Variants in MATN2 observed in about 807,000 individuals in gnomAD.
The protein encoded by MATN2 is matrilin-2.
A neutral mutation model predicts 103.2 loss-of-function variants in MATN2; 69 were observed. That is an observed-to-expected ratio of 0.67 (90% CI 0.55 to 0.82). The LOEUF (loss-of-function observed/expected upper bound fraction) is 0.82, where lower values mean the gene tolerates loss of function less well. MATN2 is among the 40% of genes least tolerant of loss of function. The pLI is 0.00. For missense variants in MATN2, 1,023 were observed against 1,211.5 expected (o/e 0.84, Z 2.31); for synonymous variants, 429 against 450.2 (o/e 0.95, Z 0.60).
intron 11 of MATN2, among the ~76,000 whole-genome samples, chr8:98,017,774 G>A (rs1813415891): frequency 6.6e-6 from 1 of 152,190 alleles, no homozygotes; most frequent in African/African-American, 2.4e-5. Flanking sequence ...AAGTAGTGCT[G>A]GTGAACGATG....
intron 5 of MATN2, among the ~76,000 whole-genome samples, chr8:97,967,513 TC>T (rs1274882534): frequency 6.6e-6 from 1 of 152,198 alleles, no homozygotes; most frequent in Non-Finnish European, 1.5e-5. Context: ...TATTCTCATT[TC>T]AAAAGGGAGA....
At chr8:97,880,679 T>A (rs1818225334) in intron 1 of MATN2, among the ~76,000 whole-genome samples, 1 of 152,208 alleles carries the variant, frequency 6.6e-6, no homozygotes, top group African/African-American at 2.4e-5. Flanking sequence ...GTCCTTTGGA[T>A]GTTAATCCGA....
chr8:97,981,401 C>T (rs1812015721), intron 6 of MATN2, among the ~76,000 whole-genome samples: 1 of 150,376 alleles, frequency 6.6e-6, no homozygotes, highest in Admixed American at 6.6e-5. Flanking sequence ...GCCACCACAC[C>T]TGGCCTCCAA....
intron 13 of MATN2, among the ~76,000 whole-genome samples, chr8:98,023,732 A>C (rs543501865): frequency 6.6e-6 from 1 of 152,358 alleles, no homozygotes; most frequent in Non-Finnish European, 1.5e-5. Context: ...ACACACACTA[A>C]GTGCTCAAAA....
intron 1 of MATN2, among the ~76,000 whole-genome samples, chr8:97,883,090 C>T (rs1008657510): frequency 5.3e-5 from 8 of 151,878 alleles, no homozygotes; most frequent in African/African-American, 1.2e-4. Flanking sequence ...GATTGCCCGA[C>T]GTCAGGAGTT....
chr8:98,007,659 G>C lies in MATN2; in HGVS notation c.1573+58G>C. On this transcript the variant is annotated intron_variant, in intron 10 of 18. Transcript: ENST00000254898. This position sits in a 1 kb window ranked among gnomAD's most constrained non-coding sequence, Gnocchi z 4.2. ...AGGTGTTCCGTGGGTGCCGGTGTGG[G>C]TGCGCTGCCGACGTGTATATGTGCC... 4 of 1,567,540 alleles carry C rather than the reference G, an allele frequency of 2.6e-6. No homozygotes were observed. The highest frequency in any genetic ancestry group is 3.5e-6 in the Non-Finnish European group (4 of 1,150,086).
chr8:97,916,487 G>A (rs1257137945), intron 2 of MATN2, among the ~76,000 whole-genome samples: 3 of 152,138 alleles, frequency 2.0e-5, no homozygotes, highest in African/African-American at 7.2e-5. Flanking sequence ...TCATCATCCA[G>A]GTATTAAATC....
intron 7 of MATN2, among the ~76,000 whole-genome samples, chr8:97,998,976 A>G (rs758343830): frequency 2.0e-4 from 30 of 152,168 alleles, no homozygotes; most frequent in Non-Finnish European, 4.0e-4. Flanking sequence ...CTGAGACTCT[A>G]TACCCATTAA....
intron 4 of MATN2, among the ~76,000 whole-genome samples, chr8:97,950,011 G>C (rs1239802880): frequency 6.6e-6 from 1 of 152,174 alleles, no homozygotes. Context: ...CAAGGAGTGG[G>C]GAGCAGCAGG....
At chr8:97,900,375 A>G (rs1021025439) in intron 2 of MATN2, among the ~76,000 whole-genome samples, 2 of 152,230 alleles carry the variant, frequency 1.3e-5, no homozygotes, top group African/African-American at 4.8e-5. Flanking sequence ...ACCTAAGTTC[A>G]GAGCCCGGAG....
chr8:97,995,108 G>T (rs1011086080), intron 7 of MATN2, among the ~76,000 whole-genome samples: 2 of 152,234 alleles, frequency 1.3e-5, no homozygotes, highest in Non-Finnish European at 2.9e-5. Context: ...TATTGTGGAT[G>T]TACTGAGTGC....
At position 97,994,600 on chromosome 8, in the gene MATN2, G is replaced by A; in HGVS notation, c.1202G>A (p.Arg401Lys). Reference protein sequence around the residue: ...FTLNPDKKTCRRINYCALNKP... With the variant: ...FTLNPDKKTCKRINYCALNKP... Reference sequence around the variant, plus strand: ...CTGAATCCAGATAAGAAAACCTGCAGAAGTAAGTTACAGTGGGAGTTGGAG... The same window carrying A: ...CTGAATCCAGATAAGAAAACCTGCAAAAGTAAGTTACAGTGGGAGTTGGAG... Residue 401 changes from arginine to lysine, a missense_variant and splice_region_variant, in exon 7 of 19, where the codon AGA (arginine) becomes AAA (lysine). Coordinates refer to ENST00000254898, the MANE Select transcript of MATN2 (RefSeq NM_002380.5). The A allele has an allele frequency of 1.2e-6, 2 of 1,610,854 alleles. No homozygotes were observed. The highest frequency in any genetic ancestry group is 1.7e-6 in the Non-Finnish European group (2 of 1,179,160).
chr8:97,988,189 T>TATATATATATATATATATATACAC (rs71570279), intron 6 of MATN2, among the ~76,000 whole-genome samples: 1 of 54,962 alleles, frequency 1.8e-5, no homozygotes, highest in African/African-American at 7.8e-5. Context: ...TATATATATA[T>TATATATATATATATATATATACAC]ACACACACAC....
At chr8:97,975,839 G>A (rs1811818829) in intron 5 of MATN2, among the ~76,000 whole-genome samples, 1 of 152,178 alleles carries the variant, frequency 6.6e-6, no homozygotes, top group Non-Finnish European at 1.5e-5. Context: ...GTGTGCCAGG[G>A]TTTAGCCTTC....
intron 1 of MATN2, among the ~76,000 whole-genome samples, 197 bp downstream of exon 1, chr8:97,869,484 C>G (rs900519222): frequency 6.6e-6 from 1 of 152,126 alleles, no homozygotes; most frequent in South Asian, 2.1e-4. Flanking sequence ...GGGAGGGCGG[C>G]GCTGCCCGAC....
intron 10 of MATN2, among the ~76,000 whole-genome samples, chr8:98,013,605 C>A (rs1813252693): frequency 6.6e-6 from 1 of 152,198 alleles, no homozygotes; most frequent in Admixed American, 6.5e-5. Context: ...AAGGCCCAGG[C>A]AGCATCCCAG....
chr8:97,996,241 C>T (rs1167205076), intron 7 of MATN2, among the ~76,000 whole-genome samples: 1 of 152,226 alleles, frequency 6.6e-6, no homozygotes. Flanking sequence ...TACCAACCAT[C>T]TGAGTCCCTT....
At chr8:98,029,560 T>G (rs1297102186) in intron 14 of MATN2, among the ~76,000 whole-genome samples, 1 of 152,226 alleles carries the variant, frequency 6.6e-6, no homozygotes, top group Non-Finnish European at 1.5e-5. Flanking sequence ...AATCTTAAAA[T>G]AGTAGTTATC....
intron 18 of MATN2, among the ~76,000 whole-genome samples, chr8:98,035,234 G>A (rs1318399988): frequency 6.6e-6 from 1 of 152,070 alleles, no homozygotes; most frequent in Non-Finnish European, 1.5e-5. Context: ...GCGCATGCCT[G>A]TAATCCCAGC....
Sources: gnomAD v4.1 joint callset for allele counts (sites outside exome capture counted in the v4.1 genomes callset) on GRCh38, gnomAD v4.1.1 for gene constraint, Gnocchi (gnomAD v3.1) non-coding constraint, MANE v1.5 for transcripts, NCBI Gene and HGNC (gene_info 2026-07-23, HGNC 2026-07-21) for gene names.